The following AFG2B variants were observed in gnomAD, a reference collection of about 807,000 sequenced individuals.
AFG2B encodes AAA ATPase AFG2B, also known as ATPase family gene 2 protein homolog B.
the AFG2B span, among the ~76,000 whole-genome samples, chr15:45,415,157 C>T: frequency 2.6e-5 from 4 of 151,932 alleles, no homozygotes; most frequent in Admixed American, 2.0e-4. Flanking sequence ...TTTACTCATT[C>T]CCCAATTCAT....
the AFG2B span, among the ~76,000 whole-genome samples, chr15:45,412,418 A>T: frequency 2.6e-5 from 4 of 151,966 alleles, no homozygotes; most frequent in Non-Finnish European, 4.4e-5. Flanking sequence ...AAAAATTATA[A>T]TCTAAAACGG....
chr15:45,410,597 C>A, the AFG2B span: 42 of 1,452,656 alleles, frequency 2.9e-5, no homozygotes, highest in Non-Finnish European at 3.8e-5. Flanking sequence ...TTTATGATGA[C>A]AACATACTGC....
chr15:45,409,588 T>C, the AFG2B span, among the ~76,000 whole-genome samples: 2 of 151,514 alleles, frequency 1.3e-5, no homozygotes, highest in African/African-American at 4.9e-5. Context: ...AGTTTGAACA[T>C]GGTGGCTCAT....
the AFG2B span, among the ~76,000 whole-genome samples, chr15:45,411,712 C>G: frequency 2.0e-5 from 3 of 152,094 alleles, no homozygotes; most frequent in Admixed American, 6.6e-5. Context: ...CCAGGACACC[C>G]AGGAGATCGA....
the AFG2B span, chr15:45,402,626 A>T: frequency 6.3e-7 from 1 of 1,576,298 alleles, no homozygotes; most frequent in Non-Finnish European, 8.6e-7. Flanking sequence ...CCTCGGCGGG[A>T]CGGAGCGGAC....
the AFG2B span, chr15:45,407,337 A>G: frequency 1.4e-6 from 1 of 736,166 alleles, no homozygotes; most frequent in Non-Finnish European, 1.8e-6. Flanking sequence ...TTTGTGAAGT[A>G]TTCCTATTAA....
At chr15:45,412,222 G>T in the AFG2B span, among the ~76,000 whole-genome samples, 1 of 151,346 alleles carries the variant, frequency 6.6e-6, no homozygotes, top group African/African-American at 2.4e-5. Context: ...CCAACATGGT[G>T]AAACCCTGTC....
At chr15:45,413,116 C>T in the AFG2B span, among the ~76,000 whole-genome samples, 1 of 152,136 alleles carries the variant, frequency 6.6e-6, no homozygotes, top group Non-Finnish European at 1.5e-5. Flanking sequence ...CCACACCTTC[C>T]TGTTGGAAGC....
At chr15:45,415,190 A>G in the AFG2B span, among the ~76,000 whole-genome samples, 1 of 152,108 alleles carries the variant, frequency 6.6e-6, no homozygotes, top group African/African-American at 2.4e-5. Flanking sequence ...TCTTTTTTAT[A>G]TCTATTTTAA....
the AFG2B span, among the ~76,000 whole-genome samples, chr15:45,403,709 A>G: frequency 2.6e-5 from 4 of 152,214 alleles, no homozygotes; most frequent in African/African-American, 9.6e-5. Flanking sequence ...ATTTCCCCAG[A>G]GTCAAATTGT....
the AFG2B span, chr15:45,416,780 TA>T: frequency 6.5e-6 from 1 of 153,056 alleles, no homozygotes; most frequent in Non-Finnish European, 1.5e-5. Context: ...GACATTTCTT[TA>T]TCCAGGATTT....
chr15:45,421,210 A>C, the AFG2B span: 1 of 1,594,988 alleles, frequency 6.3e-7, no homozygotes, highest in Non-Finnish European at 8.5e-7. Context: ...AAGGTATTTA[A>C]AAATCACCTT....
At chr15:45,416,206 G>A in the AFG2B span, among the ~76,000 whole-genome samples, 1 of 152,206 alleles carries the variant, frequency 6.6e-6, no homozygotes, top group Non-Finnish European at 1.5e-5. Context: ...CAGAAGGGTT[G>A]CTTGAGGCCA....
the AFG2B span, among the ~76,000 whole-genome samples, chr15:45,407,515 C>T: frequency 1.3e-5 from 2 of 152,162 alleles, no homozygotes; most frequent in African/African-American, 2.4e-5. Context: ...GGACATCAGA[C>T]ACCTAACATA....
chr15:45,420,622 C>A, the AFG2B span, among the ~76,000 whole-genome samples: 1 of 151,860 alleles, frequency 6.6e-6, no homozygotes, highest in Non-Finnish European at 1.5e-5. Context: ...TTTTTAGTGA[C>A]ATGAAAATTA....
chr15:45,411,785 G>A, the AFG2B span, among the ~76,000 whole-genome samples: 1 of 152,022 alleles, frequency 6.6e-6, no homozygotes, highest in Non-Finnish European at 1.5e-5. Flanking sequence ...GAGATCCTGT[G>A]TCTTTAAAAA....
chr15:45,402,976 C>T, the AFG2B span: 5 of 1,594,550 alleles, frequency 3.1e-6, no homozygotes, highest in South Asian at 4.4e-5. Context: ...CCCTCGTACC[C>T]GCGTCAGCCT....
chr15:45,405,447 C>T, the AFG2B span: 4 of 1,613,970 alleles, frequency 2.5e-6, no homozygotes, highest in Non-Finnish European at 3.4e-6. Context: ...TATGTTGGTG[C>T]CGACCTGACA....
the AFG2B span, chr15:45,402,938 C>T: frequency 6.3e-7 from 1 of 1,598,082 alleles, no homozygotes; most frequent in East Asian, 2.2e-5. Context: ...GGCGGGACGC[C>T]CAGTCCCGAT....
Sources: allele counts gnomAD v4.1 joint callset (sites outside exome capture counted in the v4.1 genomes callset), GRCh38; gene constraint gnomAD v4.1.1; transcripts MANE v1.5; gene names NCBI Gene and HGNC (gene_info 2026-07-23, HGNC 2026-07-21).